STARD13: variants seen among roughly 807,000 people sequenced by gnomAD.
The protein encoded by STARD13 is stAR-related lipid transfer protein 13.
STARD13 carries 62 observed loss-of-function variants against 106.4 expected under a neutral mutation model. The observed-to-expected ratio is 0.58, with a 90% CI of 0.48 to 0.72. The LOEUF (loss-of-function observed/expected upper bound fraction) is 0.72, where lower values mean the gene tolerates loss of function less well. STARD13 is among the 30% of genes least tolerant of loss of function. The pLI is 0.00. For synonymous variants in STARD13, 565 were observed against 553.0 expected, an observed-to-expected ratio of 1.02 and a Z score of -0.31; for missense variants, 1,387 against 1,424.0, an observed-to-expected ratio of 0.97 and a Z score of 0.42.
the STARD13 span, among the ~76,000 whole-genome samples, chr13:33,607,464 T>C: frequency 2.0e-5 from 3 of 151,940 alleles, no homozygotes; most frequent in Non-Finnish European, 4.4e-5. Context: ...ACCTGGCTAA[T>C]TTTTTGTATT....
chr13:33,430,908 C>T, the STARD13 span, among the ~76,000 whole-genome samples: 1 of 151,976 alleles, frequency 6.6e-6, no homozygotes, highest in Non-Finnish European at 1.5e-5. Flanking sequence ...CCAGAGGCTA[C>T]AAAGGATAGA....
the STARD13 span, among the ~76,000 whole-genome samples, chr13:33,418,678 C>A: frequency 0.027 from 4,094 of 152,328 alleles, 77 homozygotes; most frequent in Middle Eastern, 0.088. Context: ...CTGGGAGACA[C>A]CTCCCAGTAG....
chr13:33,476,773 G>A, the STARD13 span, among the ~76,000 whole-genome samples: 2 of 152,172 alleles, frequency 1.3e-5, no homozygotes, highest in East Asian at 3.8e-4. Flanking sequence ...TTTTGATCAA[G>A]TATTTTGAGC....
chr13:33,433,527 G>T, the STARD13 span, among the ~76,000 whole-genome samples: 1 of 151,886 alleles, frequency 6.6e-6, no homozygotes, highest in Non-Finnish European at 1.5e-5. Context: ...ACATCCTCCT[G>T]CTACGTCACG....
At chr13:33,232,562 T>C (rs1236437560) in intron 1 of STARD13, among the ~76,000 whole-genome samples, 2 of 152,170 alleles carry the variant, frequency 1.3e-5, no homozygotes, top group Non-Finnish European at 2.9e-5. Flanking sequence ...AATCACTCAA[T>C]TTATAATCTC....
intron 7 of STARD13, among the ~76,000 whole-genome samples, chr13:33,125,655 G>GAA (rs11390553): frequency 4.7e-4 from 71 of 150,898 alleles, no homozygotes; most frequent in African/African-American, 1.2e-3. Context: ...TGCTTCAAAG[G>GAA]AAAAAAAAAG....
chr13:33,455,098 G>A, the STARD13 span, among the ~76,000 whole-genome samples: 2 of 152,118 alleles, frequency 1.3e-5, no homozygotes, highest in Admixed American at 6.5e-5. Flanking sequence ...AAAACAGGAG[G>A]GAAAAAGTCT....
At chr13:33,400,925 A>C in the STARD13 span, among the ~76,000 whole-genome samples, 2 of 152,254 alleles carry the variant, frequency 1.3e-5, no homozygotes, top group South Asian at 4.1e-4. Context: ...ATTAACGTGG[A>C]ATGTCAAAAC....
At chr13:33,167,495 T>C in intron 2 of STARD13, 56 bp downstream of exon 2, 1 of 1,557,910 alleles carries the variant, frequency 6.4e-7, no homozygotes, top group East Asian at 2.2e-5. Flanking sequence ...ACAGGATACG[T>C]GTGGTTCATT....
the STARD13 span, among the ~76,000 whole-genome samples, chr13:33,453,886 A>T: frequency 6.6e-6 from 1 of 152,222 alleles, no homozygotes; most frequent in Non-Finnish European, 1.5e-5. Flanking sequence ...GGTGCTGATG[A>T]GTAGTGAAGA....
chr13:33,255,144 G>A (rs1381026451), intron 1 of STARD13, among the ~76,000 whole-genome samples: 1 of 151,804 alleles, frequency 6.6e-6, no homozygotes, highest in African/African-American at 2.4e-5. Flanking sequence ...CCGAGCAGGT[G>A]AGCCACACCC....
chr13:33,570,020 CTTA>C, the STARD13 span, among the ~76,000 whole-genome samples: 2 of 147,196 alleles, frequency 1.4e-5, 1 homozygote. Flanking sequence ...CACTAAAGAA[CTTA>C]TTATCCACGT....
At chr13:33,117,890 T>C (rs1875621877) in intron 8 of STARD13, 175 bp downstream of exon 8, 1 of 985,382 alleles carries the variant, frequency 1.0e-6, no homozygotes, top group Non-Finnish European at 1.2e-6. Context: ...AAATGGCTTG[T>C]GGATTTCCAT....
intron 11 of STARD13, 93 bp downstream of exon 11, chr13:33,110,593 G>A: frequency 2.8e-6 from 3 of 1,077,736 alleles, no homozygotes; most frequent in Non-Finnish European, 4.3e-6. Context: ...GCCAAGCCCT[G>A]TGGACACAGC....
At chr13:33,309,565 GGA>G (rs2138494133) in intron 1 of STARD13, among the ~76,000 whole-genome samples, 1 of 152,288 alleles carries the variant, frequency 6.6e-6, no homozygotes, top group East Asian at 1.9e-4. Flanking sequence ...GGAGGAGAGA[GGA>G]GAGAGAACAG....
chr13:33,473,425 G>T, the STARD13 span, among the ~76,000 whole-genome samples: 1 of 152,172 alleles, frequency 6.6e-6, no homozygotes, highest in Admixed American at 6.5e-5. Context: ...CCAGAAATTT[G>T]GTATATGTCT....
the STARD13 span, among the ~76,000 whole-genome samples, chr13:33,547,624 T>TTAGGG: frequency 6.6e-6 from 1 of 152,156 alleles, no homozygotes; most frequent in South Asian, 2.1e-4. Context: ...TGTAAAACCT[T>TTAGGG]TAGGGTAGAG....
At chr13:33,482,695 T>C in the STARD13 span, among the ~76,000 whole-genome samples, 1 of 152,198 alleles carries the variant, frequency 6.6e-6, no homozygotes, top group East Asian at 1.9e-4. Flanking sequence ...AATGCATCTT[T>C]TAATGTGGTA....
At chr13:33,406,324 C>T in the STARD13 span, among the ~76,000 whole-genome samples, 1 of 152,188 alleles carries the variant, frequency 6.6e-6, no homozygotes, top group Non-Finnish European at 1.5e-5. Context: ...GTTTTACTAA[C>T]TAGGTAGCAT....
Sources: gnomAD v4.1 joint callset for allele counts (sites outside exome capture counted in the v4.1 genomes callset) on GRCh38, gnomAD v4.1.1 for gene constraint, MANE v1.5 for transcripts, NCBI Gene and HGNC (gene_info 2026-07-23, HGNC 2026-07-21) for gene names.